UBAP1L: variants seen among roughly 807,000 people sequenced by gnomAD.
UBAP1L encodes the protein ubiquitin-associated protein 1-like.
UBAP1L carries 32 observed loss-of-function variants against 32.1 expected under a neutral mutation model. The ratio of observed to expected loss-of-function variants is 1.00; its 90% CI spans 0.75 to 1.34. UBAP1L has a LOEUF of 1.34. Among genes scored for constraint, UBAP1L ranks in the 40% most tolerant of loss-of-function variants. UBAP1L has a pLI of 0.00. For missense variants in UBAP1L, 516 were observed against 540.5 expected (o/e 0.95, Z 0.45); for synonymous variants, 243 against 250.2 (o/e 0.97, Z 0.27).
chr15:65,107,934 T>C (rs1400126918), intron 1 of UBAP1L, among the ~76,000 whole-genome samples: 2 of 152,152 alleles, frequency 1.3e-5, no homozygotes, highest in African/African-American at 4.8e-5. Flanking sequence ...TCTCCTCCAA[T>C]TAATTTATTC....
rs1383599482 is a variant in UBAP1L at position 65,102,090 on chromosome 15, C to G, written c.699+16G>C. ...CTGCTGATTGGCGGCCTTGGAGGGG[C>G]GGGCAGAATCCTTACCGCGACCGTA... On this transcript the variant is annotated intron_variant, in intron 3 of 5. Coordinates refer to ENST00000559089, the MANE Select transcript of UBAP1L (RefSeq NM_001163692.2). This position sits in a 1 kb window ranked among gnomAD's most constrained non-coding sequence, Gnocchi z 5.0. 8.6e-6 allele frequency: 10 copies of G among 1,160,518 alleles called. No individual in the cohort carries two copies. In the African/African-American group the frequency reaches 1.5e-4, roughly 17 times the overall value. The allele number at this position is 1,160,518 out of a possible 1,614,324, so 71.9% of individuals were successfully genotyped here. A position where few individuals can be genotyped will look rare whatever the true frequency, so the allele number is the denominator to read the frequency against.
chr15:65,098,856 G>A (rs2087206879), intron 4 of UBAP1L: 1 of 152,186 alleles, frequency 6.6e-6, no homozygotes, highest in Non-Finnish European at 1.5e-5. Flanking sequence ...AAGTTTCGGG[G>A]TAGTTTGTTA....
chr15:65,114,916 G>A (rs2087393183), intron 1 of UBAP1L, among the ~76,000 whole-genome samples: 1 of 152,136 alleles, frequency 6.6e-6, no homozygotes, highest in Non-Finnish European at 1.5e-5. Flanking sequence ...CAGGAAGCCA[G>A]GAACTACTAT....
chr15:65,104,433 TAG>T (rs1290630763), intron 2 of UBAP1L, among the ~76,000 whole-genome samples: 2 of 152,138 alleles, frequency 1.3e-5, no homozygotes, highest in African/African-American at 4.8e-5. Context: ...TATTAAAATA[TAG>T]AAGTTCAATA....
chr15:65,102,349 C>T lies in UBAP1L; in HGVS notation c.456G>A (p.Arg152=). The change falls in exon 3 of 6, where the codon CGG becomes CGA. Residue 152 remains arginine (R), a synonymous_variant. Transcript: ENST00000559089. This position sits in a 1 kb window ranked among gnomAD's most constrained non-coding sequence, Gnocchi z 5.0. ...LCSLDVLRGV[R]LELAGARRRL... ...GCCGCCGCGCCCCTGCCAGCTCCAA[C>T]CGCACGCCGCGTAGCACGTCCAGCG... 6.8e-7 allele frequency: 1 copy of T among 1,472,578 alleles called. No individual in the cohort carries two copies. The highest frequency in any genetic ancestry group is 2.9e-5 in the East Asian group (1 of 34,366). 91.2% of individuals were successfully genotyped at this position (1,472,578 alleles called of 1,614,324 possible). A position where few individuals can be genotyped will look rare whatever the true frequency, so the allele number is the denominator to read the frequency against.
In UBAP1L at chr15:65,106,164, C is replaced by A. The variant is rs1182525961; in HGVS notation, c.52G>T (p.Gly18Cys). 2 of 1,550,400 alleles carry A rather than the reference C, an allele frequency of 1.3e-6. No individual in the cohort carries two copies. The highest frequency in any genetic ancestry group is 4.0e-5 in the Admixed American group (2 of 50,570). The change falls in exon 2 of 6, where the codon GGC (glycine) becomes TGC (cysteine). Residue 18 changes from glycine (G) to cysteine (C), a missense_variant. By Grantham distance (159) the Gly-to-Cys change is radical. Transcript: ENST00000559089. Reference protein sequence around the residue: ...PFKLPKGFVIGTEPLPGPELS... With the variant: ...PFKLPKGFVICTEPLPGPELS... ...TCTGGCCCAGGGAGAGGCTCTGTGC[C>A]TATCACAAAGCCCTTGGGCAACTTG...
intron 1 of UBAP1L, among the ~76,000 whole-genome samples, chr15:65,107,674 G>A (rs1377934970): frequency 2.0e-5 from 3 of 149,684 alleles, no homozygotes; most frequent in Admixed American, 1.3e-4. Context: ...GGGAGGCAGA[G>A]GTTGCAGTGA....
chr15:65,113,763 A>C (rs1425465749), intron 1 of UBAP1L, among the ~76,000 whole-genome samples: 1 of 152,198 alleles, frequency 6.6e-6, no homozygotes, highest in African/African-American at 2.4e-5. Context: ...TAAAAAGAAA[A>C]GAAAAGAAAA....
At chr15:65,098,473 C>G (rs141645403) in intron 4 of UBAP1L, 1 of 152,090 alleles carries the variant, frequency 6.6e-6, no homozygotes, top group Non-Finnish European at 1.5e-5. Flanking sequence ...TTTTTTGCAC[C>G]CTCTCCCACC....
At chr15:65,097,657 A>G (rs1242443919) in intron 4 of UBAP1L, 2 of 152,184 alleles carry the variant, frequency 1.3e-5, no homozygotes, top group East Asian at 3.8e-4. Context: ...ATGCAAGAAA[A>G]TGTTCAATAA....
At chr15:65,099,374 A>T in intron 4 of UBAP1L, 131 bp downstream of exon 4, 1 of 952,732 alleles carries the variant, frequency 1.0e-6, no homozygotes, top group Non-Finnish European at 1.6e-6. Context: ...GAGGGGCCAT[A>T]GATGCTCCAG....
At position 65,102,303 on chromosome 15, in the gene UBAP1L, C is replaced by T. The variant is rs551156642; in HGVS notation, c.502G>A (p.Val168Ile). The T allele has an allele frequency of 1.5e-4, 216 of 1,421,806 alleles. 2 individuals are homozygous for T. In the African/African-American group the frequency reaches 2.6e-3, roughly 17 times the overall value. The allele number at this position is 1,421,806 out of a possible 1,614,324, so 88.1% of individuals were successfully genotyped here. ...TGCAGGAGGGCGCGGGGCCGGGAGA[C>T]CAGCTTCCCCTCGGAGAGCCGCCGC... ...ARRRLSEGKL[V>I]SRPRALLHGL... The change falls in exon 3 of 6, where the codon GTC (valine) becomes ATC (isoleucine). Residue 168 changes from valine to isoleucine, a missense_variant. Coordinates refer to ENST00000559089, the MANE Select transcript of UBAP1L (RefSeq NM_001163692.2). The surrounding 1 kb of genome is among the most constrained non-coding windows in gnomAD (Gnocchi z 5.0).
At chr15:65,095,874 G>A (rs192813465) in intron 4 of UBAP1L, 12 of 152,388 alleles carry the variant, frequency 7.9e-5, no homozygotes, top group Admixed American at 4.6e-4. Context: ...GGGGCCCGGA[G>A]TCCAGTGCTC....
Position 65,094,808 on chromosome 15 carries a change from G to A in UBAP1L, c.910-232C>T. The A allele has an allele frequency of 1.8e-6, 1 of 566,390 alleles. No individual in the cohort carries two copies. Among genetic ancestry groups the A allele is most frequent in the Non-Finnish European group, 3.2e-6 (1 of 314,692 alleles). 35.1% of individuals were successfully genotyped at this position (566,390 alleles called of 1,614,324 possible). On this transcript the variant is annotated intron_variant, in intron 4 of 5. Coordinates refer to ENST00000559089, the MANE Select transcript of UBAP1L (RefSeq NM_001163692.2). This position sits in a 1 kb window ranked among gnomAD's most constrained non-coding sequence, Gnocchi z 4.2. ...CTTCACCAACTATGCCAAGCTGGGGGCTGGACTCCAGGAAAAGGGCTGTCA... is the reference window on the plus strand; with the variant it reads ...CTTCACCAACTATGCCAAGCTGGGGACTGGACTCCAGGAAAAGGGCTGTCA...
chr15:65,114,485 T>TA (rs1426039601), intron 1 of UBAP1L, among the ~76,000 whole-genome samples: 3 of 152,332 alleles, frequency 2.0e-5, no homozygotes, highest in East Asian at 3.9e-4. Context: ...AATAGGCACT[T>TA]AAACATTTGG....
chr15:65,114,251 GAAT>G (rs1176299181), intron 1 of UBAP1L, among the ~76,000 whole-genome samples: 8 of 150,134 alleles, frequency 5.3e-5, no homozygotes, highest in Non-Finnish European at 1.0e-4. Context: ...TATGTAAACT[GAAT>G]AATGATTCTT....
At position 65,102,198 on chromosome 15, in the gene UBAP1L, C is replaced by A. The variant is rs1270447522; in HGVS notation, c.607G>T (p.Ala203Ser). ...SPRSASPPGPAPQHPAAPASP... is the reference protein window; with the variant it reads ...SPRSASPPGPSPQHPAAPASP... The stretch of plus-strand genomic sequence containing the variant: ...GCGGGGGCGGCGGGGTGCTGGGGCG[C>A]GGGCCCCGGGGGTGATGCAGACCTG... Residue 203 changes from alanine to serine, a missense_variant, in exon 3 of 6, where the codon GCG becomes TCG. Physicochemically the swap from Ala to Ser is moderately conservative, Grantham distance 99. Transcript: ENST00000559089. This position sits in a 1 kb window ranked among gnomAD's most constrained non-coding sequence, Gnocchi z 5.0. 8.3e-6 allele frequency: 10 copies of A among 1,199,916 alleles called. No homozygotes were observed. The highest frequency in any genetic ancestry group is 6.2e-6 in the Non-Finnish European group (6 of 967,752). The allele number at this position is 1,199,916 out of a possible 1,614,324, so 74.3% of individuals were successfully genotyped here. A position where few individuals can be genotyped will look rare whatever the true frequency, so the allele number is the denominator to read the frequency against.
chr15:65,094,513 C>G lies in UBAP1L; in HGVS notation c.973G>C (p.Asp325His). The G allele has an allele frequency of 6.4e-7, 1 of 1,551,498 alleles. No homozygotes were observed. The highest frequency in any genetic ancestry group is 8.7e-7 in the Non-Finnish European group (1 of 1,146,938). Residue 325 changes from aspartate (D) to histidine (H), a missense_variant, in exon 5 of 6, where the codon GAT becomes CAT. Asp to His is a moderately conservative substitution (Grantham distance 81). Coordinates refer to ENST00000559089, the MANE Select transcript of UBAP1L (RefSeq NM_001163692.2). This position sits in a 1 kb window ranked among gnomAD's most constrained non-coding sequence, Gnocchi z 4.2. ...AACTGGAACATCTCCATGGCCTCAT[C>G]CACCAGGCCTTCCTCATATCCCTGA... ...LRQGYEEGLVDEAMEMFQFSE... is the reference protein window; with the variant it reads ...LRQGYEEGLVHEAMEMFQFSE...
intron 4 of UBAP1L, chr15:65,099,142 T>TAGATCTC: frequency 9.0e-6 from 2 of 221,372 alleles, no homozygotes; most frequent in Non-Finnish European, 9.1e-6. Flanking sequence ...AACCTGCGTG[T>TAGATCTC]GGTAGACTCT....
Sources: gnomAD v4.1 joint callset for allele counts (sites outside exome capture counted in the v4.1 genomes callset) on GRCh38, gnomAD v4.1.1 for gene constraint, Gnocchi (gnomAD v3.1) non-coding constraint, MANE v1.5 for transcripts, NCBI Gene and HGNC (gene_info 2026-07-23, HGNC 2026-07-21) for gene names.